The following KCNMA1 variants were observed in gnomAD, a reference collection of about 807,000 sequenced individuals.
The protein encoded by KCNMA1 is Calcium-activated potassium channel subunit alpha-1.
Under a neutral mutation model 140.0 loss-of-function variants are expected in KCNMA1, and 29 were observed. That is an observed-to-expected ratio of 0.21 (90% CI 0.15 to 0.28). The LOEUF (loss-of-function observed/expected upper bound fraction) is 0.28. KCNMA1 is among the 10% of genes least tolerant of loss of function. The pLI is 1.00. For missense variants in KCNMA1, 880 were observed against 1,602.2 expected, an observed-to-expected ratio of 0.55 and a Z score of 7.70; for synonymous variants, 612 against 611.9, an observed-to-expected ratio of 1.00 and a Z score of 0.00.
chr10:77,241,195 G>A (rs2057173713), intron 3 of KCNMA1, among the ~76,000 whole-genome samples: 2 of 152,138 alleles, frequency 1.3e-5, no homozygotes, highest in Non-Finnish European at 2.9e-5. Context: ...CAGAAGGATG[G>A]GGCTGTTGGA....
chr10:77,408,432 G>A (rs2096539528), intron 1 of KCNMA1, among the ~76,000 whole-genome samples: 3 of 151,386 alleles, frequency 2.0e-5, no homozygotes, highest in East Asian at 1.9e-4. Flanking sequence ...GTGTGTGCAC[G>A]TGTGAGAGTG....
intron 2 of KCNMA1, among the ~76,000 whole-genome samples, chr10:77,275,894 C>T (rs1198023925): frequency 2.6e-5 from 4 of 150,956 alleles, no homozygotes; most frequent in Non-Finnish European, 4.4e-5. Flanking sequence ...TTTCCATCCA[C>T]GGATTTTGCA....
chr10:77,490,163 T>C (rs1471682150), intron 1 of KCNMA1, among the ~76,000 whole-genome samples: 1 of 152,220 alleles, frequency 6.6e-6, no homozygotes, highest in Admixed American at 6.5e-5. Flanking sequence ...AATGACCCTA[T>C]ATCCTAATAT....
intron 18 of KCNMA1, among the ~76,000 whole-genome samples, chr10:77,002,549 C>T (rs1057415192): frequency 3.3e-5 from 5 of 152,252 alleles, no homozygotes; most frequent in African/African-American, 9.6e-5. Context: ...ATAGGTTCCA[C>T]GTGAAATATC....
chr10:77,049,990 A>C (rs552654287), intron 14 of KCNMA1, among the ~76,000 whole-genome samples: 51 of 152,344 alleles, frequency 3.3e-4, no homozygotes, highest in African/African-American at 1.2e-3. Context: ...ACTCTCAAGA[A>C]CTGATATATT....
intron 1 of KCNMA1, among the ~76,000 whole-genome samples, chr10:77,462,150 GC>G (rs1196182846): frequency 1.3e-5 from 2 of 150,868 alleles, no homozygotes; most frequent in Non-Finnish European, 3.0e-5. Flanking sequence ...ACACATACAC[GC>G]ATGCACACAA....
intron 17 of KCNMA1, among the ~76,000 whole-genome samples, chr10:77,016,737 AC>A (rs765076724): frequency 2.6e-5 from 4 of 152,270 alleles, no homozygotes; most frequent in Non-Finnish European, 5.9e-5. Context: ...AAGAGCAAGT[AC>A]CCAAATGCCC....
intron 5 of KCNMA1, among the ~76,000 whole-genome samples, chr10:77,177,772 C>G (rs1239635436): frequency 6.6e-6 from 1 of 152,138 alleles, no homozygotes; most frequent in East Asian, 1.9e-4. Flanking sequence ...AGCTCTCACT[C>G]CTCTGAACTC....
chr10:77,176,438 A>G lies in KCNMA1; in HGVS notation c.808+6983T>C, dbSNP rs1043670005. Among the ~76,000 whole-genome samples, 3 of 152,154 alleles carry G rather than the reference A, an allele frequency of 2.0e-5. No homozygotes were observed. The East Asian group carries it at 5.8e-4, about 29-fold the overall frequency. ...CAGACAACAGGCAAGTCTGTCTAGT[A>G]ACTCACCTGTTCCCATGAAAAGAAA... On this transcript the variant is annotated intron_variant, in intron 5 of 27. Transcript: ENST00000286628.
intron 3 of KCNMA1, among the ~76,000 whole-genome samples, chr10:77,238,499 T>C (rs992757840): frequency 6.6e-6 from 1 of 152,152 alleles, no homozygotes; most frequent in African/African-American, 2.4e-5. Flanking sequence ...TTTAGTGTTG[T>C]CTGTTATTGG....
intron 3 of KCNMA1, among the ~76,000 whole-genome samples, chr10:77,186,758 A>G (rs919589064): frequency 1.9e-4 from 28 of 148,716 alleles, no homozygotes; most frequent in Admixed American, 2.1e-4. Flanking sequence ...TCTCTGCAGG[A>G]TACGTTACTA....
chr10:77,193,219 A>C (rs1347321035), intron 3 of KCNMA1, among the ~76,000 whole-genome samples: 3 of 152,186 alleles, frequency 2.0e-5, no homozygotes, highest in Non-Finnish European at 4.4e-5. Context: ...TGTCCAAGAC[A>C]ACCTACCCAC....
chr10:77,025,242 G>GTGTATATATATATATA (rs1436772387), intron 16 of KCNMA1, among the ~76,000 whole-genome samples: 5 of 42,752 alleles, frequency 1.2e-4, no homozygotes, highest in Non-Finnish European at 1.3e-4. Context: ...GGGTGTGTGT[G>GTGTATATATATATATA]TATATATATA....
At chr10:77,331,739 C>T (rs762984207) in intron 2 of KCNMA1, among the ~76,000 whole-genome samples, 23 of 151,752 alleles carry the variant, frequency 1.5e-4, no homozygotes, top group Non-Finnish European at 2.1e-4. Flanking sequence ...CCCTTGAGTC[C>T]GGGAGGTCGA....
intron 19 of KCNMA1, among the ~76,000 whole-genome samples, chr10:76,978,241 G>A (rs181918566): frequency 3.3e-5 from 5 of 152,264 alleles, no homozygotes; most frequent in African/African-American, 1.2e-4. Flanking sequence ...TCTTATCAAA[G>A]GTAGTTTCAG....
At chr10:77,158,211 T>C (rs1022953344) in intron 5 of KCNMA1, among the ~76,000 whole-genome samples, 1 of 152,144 alleles carries the variant, frequency 6.6e-6, no homozygotes, top group African/African-American at 2.4e-5. Context: ...AAGAGCTGTA[T>C]GCCATGAGGA....
Position 76,885,343 on chromosome 10 carries a change from T to C in KCNMA1, c.*1923A>G, listed in dbSNP as rs200859704. 2 of 982,338 alleles carry C rather than the reference T, an allele frequency of 2.0e-6. No individual in the cohort carries two copies. The highest frequency in any genetic ancestry group is 6.2e-5 in the Admixed American group (1 of 16,200). 60.9% of individuals were successfully genotyped at this position (982,338 alleles called of 1,614,324 possible). A position where few individuals can be genotyped will look rare whatever the true frequency, so the allele number is the denominator to read the frequency against. ...TAATTTGAAAAAATTCTTCCACTCA[T>C]AGGGCTTGATAATTTACATGTATAC... On this transcript the variant is annotated 3_prime_UTR_variant, in exon 28 of 28. Coordinates refer to ENST00000286628, the MANE Select transcript of KCNMA1 (RefSeq NM_001161352.2).
chr10:77,007,342 G>C (rs74140244), intron 18 of KCNMA1, among the ~76,000 whole-genome samples: 1,630 of 152,232 alleles, frequency 0.011, 22 homozygotes, highest in African/African-American at 0.037. Flanking sequence ...CATTCATAAA[G>C]CAACTGGGTG....
At chr10:77,551,090 C>G (rs1056846101) in intron 1 of KCNMA1, among the ~76,000 whole-genome samples, 2 of 152,166 alleles carry the variant, frequency 1.3e-5, no homozygotes, top group African/African-American at 4.8e-5. Flanking sequence ...CCTCATCCTC[C>G]CGAGTAGCTG....
Sources: gnomAD v4.1 joint callset for allele counts (sites outside exome capture counted in the v4.1 genomes callset) on GRCh38, gnomAD v4.1.1 for gene constraint, MANE v1.5 for transcripts, NCBI Gene and HGNC (gene_info 2026-07-23, HGNC 2026-07-21) for gene names.